FSTL5: variants seen among roughly 807,000 people sequenced by gnomAD.
The protein encoded by FSTL5 is follistatin-related protein 5.
A neutral mutation model predicts 89.1 loss-of-function variants in FSTL5; 62 were observed. That is an observed-to-expected ratio of 0.70 (90% CI 0.57 to 0.86). The LOEUF is 0.86. Ranked by LOEUF, FSTL5 falls within the 40% of genes least tolerant of loss-of-function variation. The pLI is 0.00. For missense variants in FSTL5, 1,057 were observed against 1,001.6 expected (o/e 1.06, Z -0.75); for synonymous variants, 383 against 346.2 (o/e 1.11, Z -1.18).
At chr4:161,473,277 CCT>C (rs1202892637) in intron 13 of FSTL5, among the ~76,000 whole-genome samples, 1 of 151,924 alleles carries the variant, frequency 6.6e-6, no homozygotes, top group Non-Finnish European at 1.5e-5. Context: ...TGTAGAACTC[CCT>C]ATTTCTCAAT....
chr4:161,526,110 C>T (rs1339202507), intron 10 of FSTL5, among the ~76,000 whole-genome samples: 5 of 152,084 alleles, frequency 3.3e-5, no homozygotes, highest in African/African-American at 9.7e-5. Context: ...CTTAATCATA[C>T]AGGGTCCTCT....
intron 3 of FSTL5, among the ~76,000 whole-genome samples, chr4:161,972,523 G>A (rs916718972): frequency 1.3e-5 from 2 of 152,156 alleles, no homozygotes; most frequent in African/African-American, 4.8e-5. Flanking sequence ...ATGTGGTAAG[G>A]AACTGAGGAT....
At chr4:161,751,599 G>C (rs1740394332) in intron 6 of FSTL5, among the ~76,000 whole-genome samples, 1 of 152,000 alleles carries the variant, frequency 6.6e-6, no homozygotes, top group Non-Finnish European at 1.5e-5. Context: ...ACATAGCAAA[G>C]TCCCATCTCT....
intron 3 of FSTL5, among the ~76,000 whole-genome samples, chr4:161,990,009 G>GT (rs1736067905): frequency 1.3e-5 from 2 of 152,034 alleles, no homozygotes; most frequent in Admixed American, 1.3e-4. Flanking sequence ...CAATAAAGTT[G>GT]TTTTTTGACT....
chr4:161,744,185 T>C (rs1176007203), intron 6 of FSTL5, among the ~76,000 whole-genome samples: 1 of 152,090 alleles, frequency 6.6e-6, no homozygotes, highest in Non-Finnish European at 1.5e-5. Flanking sequence ...GCATAAGGAA[T>C]GAGCACATCA....
At chr4:161,451,976 C>T (rs1367891932) in intron 15 of FSTL5, among the ~76,000 whole-genome samples, 1 of 152,094 alleles carries the variant, frequency 6.6e-6, no homozygotes, top group Non-Finnish European at 1.5e-5. Context: ...AGTGTACCAG[C>T]ATGAGAGAAA....
At chr4:162,101,061 C>T (rs549239326) in intron 2 of FSTL5, among the ~76,000 whole-genome samples, 2 of 152,292 alleles carry the variant, frequency 1.3e-5, no homozygotes, top group Admixed American at 6.5e-5. Flanking sequence ...AACACACAAT[C>T]GCCTTCAGAC....
At chr4:161,389,163 T>C (rs1224198812) in intron 15 of FSTL5, among the ~76,000 whole-genome samples, 1 of 152,122 alleles carries the variant, frequency 6.6e-6, no homozygotes, top group African/African-American at 2.4e-5. Flanking sequence ...CATTAGTCTC[T>C]GATTAATATT....
At chr4:161,505,233 G>A (rs987916060) in intron 11 of FSTL5, among the ~76,000 whole-genome samples, 1 of 152,004 alleles carries the variant, frequency 6.6e-6, no homozygotes, top group South Asian at 2.1e-4. Flanking sequence ...AACTCAGCAC[G>A]GATAGATCTT....
chr4:161,664,074 G>C lies in FSTL5; in HGVS notation c.728-7580C>G, dbSNP rs939319021. Among the ~76,000 whole-genome samples, 4 of 152,316 alleles carry C rather than the reference G, an allele frequency of 2.6e-5. No individual in the cohort carries two copies. The East Asian group carries it at 7.7e-4, about 29-fold the overall frequency. On this transcript the variant is annotated intron_variant, in intron 6 of 15. Transcript: ENST00000306100. ...TCAAAGCACAGAGTCCCAGGGCCTG[G>C]CACAGGAAACCACCTGTTCCTCCTG... is the stretch of plus-strand genomic sequence containing the variant.
chr4:161,455,180 ATAAGCTTTAATTTTATTTAG>A (rs532767830), intron 14 of FSTL5, 52 bp from the exon 15 acceptor site: 1 of 1,410,204 alleles, frequency 7.1e-7, no homozygotes, highest in Admixed American at 2.6e-5. Context: ...ACTTCATAGT[ATAAGCTTTAATTTTATTTAG>A]AGATGAAATA....
At chr4:161,845,660 T>A (rs1168210134) in intron 4 of FSTL5, among the ~76,000 whole-genome samples, 3 of 152,358 alleles carry the variant, frequency 2.0e-5, no homozygotes, top group East Asian at 3.9e-4. Flanking sequence ...CATTTGATAT[T>A]TGATATTAGT....
intron 3 of FSTL5, among the ~76,000 whole-genome samples, chr4:161,937,244 T>C (rs1033740233): frequency 3.3e-5 from 5 of 151,714 alleles, no homozygotes; most frequent in African/African-American, 9.7e-5. Flanking sequence ...TAAAAATCAA[T>C]GATGTAACAG....
intron 7 of FSTL5, among the ~76,000 whole-genome samples, chr4:161,648,535 C>T (rs1309746110): frequency 6.6e-6 from 1 of 152,190 alleles, no homozygotes; most frequent in Non-Finnish European, 1.5e-5. Context: ...AGACAAACAT[C>T]TCTTCAGCAC....
Position 161,408,745 on chromosome 4 carries a change from T to G in FSTL5, c.1842-22296A>C, listed in dbSNP as rs1046832364. On this transcript the variant is annotated intron_variant, in intron 15 of 15. Transcript: ENST00000306100. The stretch of plus-strand genomic sequence containing the variant: ...CTAAGAAGTACCCAAACTGAGCTTC[T>G]TGAGCTAAAAAATTCACTACAAGAA... Among the ~76,000 whole-genome samples the G allele has an allele frequency of 6.6e-5, 10 of 152,272 alleles. No homozygotes were observed. The South Asian group carries it at 2.1e-3, about 32-fold the overall frequency.
At chr4:161,586,291 G>T (rs1261565551) in intron 8 of FSTL5, among the ~76,000 whole-genome samples, 1 of 152,112 alleles carries the variant, frequency 6.6e-6, no homozygotes, top group East Asian at 1.9e-4. Context: ...GGGCTTTCAT[G>T]TTCCTCAATT....
intron 4 of FSTL5, among the ~76,000 whole-genome samples, chr4:161,817,058 T>A (rs1579113480): frequency 6.6e-6 from 1 of 152,298 alleles, no homozygotes; most frequent in Admixed American, 6.5e-5. Context: ...ATATCACATA[T>A]ATACTAACAA....
At chr4:161,972,907 C>T (rs1389073883) in intron 3 of FSTL5, among the ~76,000 whole-genome samples, 1 of 152,194 alleles carries the variant, frequency 6.6e-6, no homozygotes, top group Admixed American at 6.5e-5. Flanking sequence ...ACAATTTACA[C>T]ACTTGTTTAT....
intron 4 of FSTL5, among the ~76,000 whole-genome samples, chr4:161,860,994 T>C (rs964864384): frequency 2.6e-5 from 4 of 152,184 alleles, no homozygotes; most frequent in Non-Finnish European, 4.4e-5. Context: ...AGAAAATACG[T>C]TGTGTTCCTT....
Sources: allele counts gnomAD v4.1 joint callset (sites outside exome capture counted in the v4.1 genomes callset), GRCh38; gene constraint gnomAD v4.1.1; transcripts MANE v1.5; gene names NCBI Gene and HGNC (gene_info 2026-07-23, HGNC 2026-07-21).